Variants in CCSER1 observed in about 807,000 individuals in gnomAD.
CCSER1 encodes coiled-coil serine rich protein 1.
Under a neutral mutation model 82.0 loss-of-function variants are expected in CCSER1, and 41 were observed. The observed-to-expected ratio is 0.50, with a 90% CI of 0.39 to 0.65. CCSER1 has a LOEUF of 0.65. Among genes scored for constraint, CCSER1 ranks in the 30% least tolerant of loss-of-function variants. CCSER1 has a pLI of 0.00. For synonymous variants in CCSER1, 414 were observed against 383.9 expected (o/e 1.08, Z -0.92); for missense variants, 1,119 against 1,064.2 (o/e 1.05, Z -0.72).
chr4:91,132,385 C>G (rs1561573411), intron 10 of CCSER1, among the ~76,000 whole-genome samples: 1 of 152,144 alleles, frequency 6.6e-6, no homozygotes. Context: ...AAAAATGCAG[C>G]ACTGCATCTA....
chr4:90,147,042 A>C (rs1248045003), intron 1 of CCSER1, among the ~76,000 whole-genome samples: 3 of 151,814 alleles, frequency 2.0e-5, no homozygotes, highest in Admixed American at 2.0e-4. Context: ...TTATTTACTT[A>C]GTTGTTTAAT....
intron 10 of CCSER1, among the ~76,000 whole-genome samples, chr4:91,430,489 G>A (rs988635897): frequency 6.6e-6 from 1 of 152,094 alleles, no homozygotes; most frequent in Non-Finnish European, 1.5e-5. Context: ...ATGTGTGCAT[G>A]GGCACAACTA....
intron 10 of CCSER1, among the ~76,000 whole-genome samples, chr4:91,173,624 TAA>T (rs1733004116): frequency 1.4e-5 from 2 of 147,074 alleles, no homozygotes; most frequent in South Asian, 2.1e-4. Context: ...AAAAAAGTGA[TAA>T]GAGTCTCTCA....
intron 8 of CCSER1, among the ~76,000 whole-genome samples, chr4:90,918,655 T>TATATATATATATA (rs1164161806): frequency 2.8e-5 from 4 of 141,072 alleles, no homozygotes; most frequent in African/African-American, 1.0e-4. Context: ...ATATATATAT[T>TATATATATATATA]AGTAATAAAA....
chr4:90,205,986 G>C (rs978780752), intron 1 of CCSER1, among the ~76,000 whole-genome samples: 1 of 152,100 alleles, frequency 6.6e-6, no homozygotes, highest in Non-Finnish European at 1.5e-5. Context: ...TATTTGCGTA[G>C]GGGTGTTTAT....
chr4:90,779,527 T>G (rs1341471402), intron 7 of CCSER1, among the ~76,000 whole-genome samples: 1 of 152,224 alleles, frequency 6.6e-6, no homozygotes, highest in Non-Finnish European at 1.5e-5. Context: ...ATTCACTTAT[T>G]CCTAAATGCT....
intron 6 of CCSER1, among the ~76,000 whole-genome samples, chr4:90,647,499 A>C (rs971988942): frequency 6.6e-6 from 1 of 152,172 alleles, no homozygotes; most frequent in Non-Finnish European, 1.5e-5. Flanking sequence ...TTAAAACATA[A>C]AACTAGAAAT....
At chr4:90,771,042 T>A (rs1467340315) in intron 7 of CCSER1, among the ~76,000 whole-genome samples, 19 of 152,158 alleles carry the variant, frequency 1.2e-4, no homozygotes, top group Non-Finnish European at 2.9e-5. Flanking sequence ...ATCCTCCAAG[T>A]ACAGAATATC....
At chr4:91,478,080 T>C (rs186719282) in intron 10 of CCSER1, among the ~76,000 whole-genome samples, 1 of 152,014 alleles carries the variant, frequency 6.6e-6, no homozygotes, top group East Asian at 1.9e-4. Flanking sequence ...TAGCCATTGC[T>C]TACGATCATT....
chr4:91,106,656 G>A (rs1397754298), intron 10 of CCSER1, among the ~76,000 whole-genome samples: 3 of 152,164 alleles, frequency 2.0e-5, no homozygotes, highest in Non-Finnish European at 2.9e-5. Context: ...TATGTGTCAG[G>A]TGCATCCATT....
intron 1 of CCSER1, among the ~76,000 whole-genome samples, chr4:90,143,864 G>C (rs1033983336): frequency 6.6e-6 from 1 of 150,794 alleles, no homozygotes; most frequent in Non-Finnish European, 1.5e-5. Flanking sequence ...TTTTGTTGTT[G>C]TTATTTATAG....
chr4:90,489,735 T>C lies in CCSER1; in HGVS notation c.1724+21381T>C, dbSNP rs576301922. Among the ~76,000 whole-genome samples, 29 of 152,228 alleles carry C rather than the reference T, an allele frequency of 1.9e-4. No homozygotes were observed. The East Asian group carries it at 3.3e-3, about 17-fold the overall frequency. ...CCCTTCCTGTGTCCAGGTGTTCTCA[T>C]TGTTTAATTCCCACCTATGAGTGAG... On this transcript the variant is annotated intron_variant, in intron 5 of 10. Coordinates refer to ENST00000509176, the MANE Select transcript of CCSER1 (RefSeq NM_001145065.2).
intron 8 of CCSER1, among the ~76,000 whole-genome samples, chr4:90,906,800 G>A (rs1359334207): frequency 6.6e-6 from 1 of 151,846 alleles, no homozygotes; most frequent in Non-Finnish European, 1.5e-5. Flanking sequence ...TTTTTAATGA[G>A]AATAATTTTC....
At chr4:91,296,951 A>G (rs1744227615) in intron 10 of CCSER1, among the ~76,000 whole-genome samples, 1 of 151,844 alleles carries the variant, frequency 6.6e-6, no homozygotes, top group Non-Finnish European at 1.5e-5. Flanking sequence ...TAAAAAATAC[A>G]TCAAAATGTT....
At chr4:90,937,793 T>C (rs184953568) in intron 9 of CCSER1, among the ~76,000 whole-genome samples, 1 of 152,306 alleles carries the variant, frequency 6.6e-6, no homozygotes, top group African/African-American at 2.4e-5. Context: ...ATATCCTTGA[T>C]TGGACAACGC....
chr4:91,400,019 A>G (rs138183259), intron 10 of CCSER1, among the ~76,000 whole-genome samples: 2 of 152,126 alleles, frequency 1.3e-5, no homozygotes, highest in Admixed American at 6.6e-5. Flanking sequence ...TGACTTGAGC[A>G]CAACAAATTA....
At position 91,476,838 on chromosome 4, in the gene CCSER1, A is replaced by G. The variant is rs370171153; in HGVS notation, c.2218-121734A>G. On this transcript the variant is annotated intron_variant, in intron 10 of 10. Transcript: ENST00000509176. The stretch of plus-strand genomic sequence containing the variant: ...GAAAGGACAATCTCTTCAATAGATC[A>G]TGCTGGGATGTCTGGATATTCATAT... Among the ~76,000 whole-genome samples, 7 of 151,844 alleles carry G rather than the reference A, an allele frequency of 4.6e-5. No individual in the cohort carries two copies. In the East Asian group the frequency reaches 1.2e-3, roughly 25 times the overall value.
chr4:90,795,867 C>A (rs1755930088), intron 7 of CCSER1, among the ~76,000 whole-genome samples: 1 of 151,602 alleles, frequency 6.6e-6, no homozygotes, highest in East Asian at 1.9e-4. Flanking sequence ...GGTGGATAAG[C>A]ATTTTGATGT....
chr4:90,486,819 T>G (rs1250109574), intron 5 of CCSER1, among the ~76,000 whole-genome samples: 2 of 152,232 alleles, frequency 1.3e-5, no homozygotes, highest in Admixed American at 6.5e-5. Context: ...GAAGACTGCA[T>G]GTATTGAAGT....
Sources: allele counts gnomAD v4.1 joint callset (sites outside exome capture counted in the v4.1 genomes callset), GRCh38; gene constraint gnomAD v4.1.1; transcripts MANE v1.5; gene names NCBI Gene and HGNC (gene_info 2026-07-23, HGNC 2026-07-21).